SENP7: variants seen among roughly 807,000 people sequenced by gnomAD.
SENP7 encodes the protein SUMO specific peptidase 7, also known as sentrin-specific protease 7.
Under a neutral mutation model 141.2 loss-of-function variants are expected in SENP7, and 64 were observed. The observed-to-expected ratio is 0.45, with a 90% CI of 0.37 to 0.56. SENP7 has a LOEUF of 0.56. Ranked by LOEUF, SENP7 falls within the 20% of genes least tolerant of loss-of-function variation. SENP7 has a pLI of 0.00. For missense variants in SENP7, 1,025 were observed against 1,212.2 expected, an observed-to-expected ratio of 0.85 and a Z score of 2.29; for synonymous variants, 382 against 426.4, an observed-to-expected ratio of 0.90 and a Z score of 1.28.
chr3:101,419,530 A>G (rs545272455), intron 4 of SENP7, among the ~76,000 whole-genome samples: 2 of 152,372 alleles, frequency 1.3e-5, no homozygotes, highest in African/African-American at 4.8e-5. Context: ...ATACAGTGGG[A>G]TCAGCAAAGG....
intron 3 of SENP7, among the ~76,000 whole-genome samples, chr3:101,480,456 C>T (rs932358040): frequency 6.6e-6 from 1 of 152,256 alleles, no homozygotes; most frequent in East Asian, 1.9e-4. Flanking sequence ...GCTGAGAAAA[C>T]AGGATATCCA....
Position 101,332,118 on chromosome 3 carries a change from A to G in SENP7, c.2574-9T>C, listed in dbSNP as rs1192921792. On this transcript the variant is annotated splice_polypyrimidine_tract_variant and intron_variant, in intron 18 of 23. Transcript: ENST00000394095. ...CGAGATACCAGTGAGACCTGTTGAA[A>G]AAGAACTACAATCTTAATACCATGC... 7 of 1,612,242 alleles carry G rather than the reference A, an allele frequency of 4.3e-6. No individual in the cohort carries two copies. The highest frequency in any genetic ancestry group is 3.3e-5 in the Admixed American group (2 of 59,840).
At chr3:101,497,535 G>A (rs566164289) in intron 2 of SENP7, among the ~76,000 whole-genome samples, 2 of 152,004 alleles carry the variant, frequency 1.3e-5, no homozygotes, top group South Asian at 4.2e-4. Flanking sequence ...AAAGATAGGA[G>A]CACGTCACAA....
intron 3 of SENP7, among the ~76,000 whole-genome samples, chr3:101,475,960 T>A (rs1236810723): frequency 2.0e-5 from 3 of 151,980 alleles, no homozygotes; most frequent in African/African-American, 4.8e-5. Context: ...CCAAAAAAAA[T>A]TGAACATTTC....
chr3:101,429,207 G>GT (rs200015765), intron 4 of SENP7, among the ~76,000 whole-genome samples: 60,175 of 151,802 alleles, frequency 0.4, 12,427 homozygotes, highest in Admixed American at 0.53. Context: ...ATTTAAAGTA[G>GT]TTCTTTTTCC....
intron 4 of SENP7, among the ~76,000 whole-genome samples, chr3:101,443,515 C>A (rs2062762980): frequency 6.6e-6 from 1 of 151,650 alleles, no homozygotes; most frequent in Non-Finnish European, 1.5e-5. Context: ...ATGGGGATGC[C>A]ATTGAATCTA....
rs1356198088 is a variant in SENP7 at position 101,327,299 on chromosome 3, G to C, written c.3015+367C>G. On this transcript the variant is annotated intron_variant, in intron 23 of 23. Coordinates refer to ENST00000394095, the MANE Select transcript of SENP7 (RefSeq NM_020654.5). ...GTTCCTATAATCCCCACTGTGGTGG[G>C]AGGGACCTGGTAGGAGGTAACTGAA... 5.9e-5 allele frequency among the ~76,000 whole-genome samples: 9 copies of C among 152,148 alleles called. No homozygotes were observed. The East Asian group carries it at 1.7e-3, about 29-fold the overall frequency.
intron 5 of SENP7, among the ~76,000 whole-genome samples, chr3:101,406,881 A>G (rs112849706): frequency 4.6e-5 from 7 of 152,210 alleles, no homozygotes; most frequent in African/African-American, 1.7e-4. Flanking sequence ...CTCAGCAAAA[A>G]CCCTACAAGC....
At chr3:101,503,760 A>T (rs2065482543) in intron 1 of SENP7, among the ~76,000 whole-genome samples, 1 of 152,130 alleles carries the variant, frequency 6.6e-6, no homozygotes, top group African/African-American at 2.4e-5. Context: ...AGCCTGGGCA[A>T]AAGGGTGAAA....
chr3:101,410,208 G>A (rs2061415682), intron 5 of SENP7, among the ~76,000 whole-genome samples: 1 of 152,048 alleles, frequency 6.6e-6, no homozygotes, highest in African/African-American at 2.4e-5. Flanking sequence ...AAATGATCAG[G>A]GAAATGCAAA....
At chr3:101,454,553 C>A (rs1219292722) in intron 4 of SENP7, among the ~76,000 whole-genome samples, 1 of 151,972 alleles carries the variant, frequency 6.6e-6, no homozygotes, top group Non-Finnish European at 1.5e-5. Context: ...TATGTCTACA[C>A]AAACACTTGC....
rs545169299 is a variant in SENP7 at position 101,448,634 on chromosome 3, T to C, written c.284+10321A>G. Among the ~76,000 whole-genome samples the C allele has an allele frequency of 8.9e-4, 135 of 152,196 alleles. No individual in the cohort carries two copies. The South Asian group carries it at 0.013, about 14-fold the overall frequency. On this transcript the variant is annotated intron_variant, in intron 4 of 23. Coordinates refer to ENST00000394095, the MANE Select transcript of SENP7 (RefSeq NM_020654.5). ...CCCCTATTGTGGGGTGCCTCCCAGT[T>C]AGGCTACTCAGCAGACCTGCAGCTG...
intron 4 of SENP7, among the ~76,000 whole-genome samples, chr3:101,431,725 AG>A (rs1338586734): frequency 6.6e-6 from 1 of 151,878 alleles, no homozygotes; most frequent in Admixed American, 6.6e-5. Flanking sequence ...CAGAGGTTGC[AG>A]TGCACCAAGA....
At chr3:101,333,883 GTTTTGTGGAAGACAATTT>G (rs2059118410) in intron 17 of SENP7, among the ~76,000 whole-genome samples, 1 of 152,140 alleles carries the variant, frequency 6.6e-6, no homozygotes, top group South Asian at 2.1e-4. Flanking sequence ...CCAGGGACTG[GTTTTGTGGAAGACAATTT>G]TTCCAGGGAC....
chr3:101,367,376 C>A (rs886772897), intron 8 of SENP7, among the ~76,000 whole-genome samples: 1 of 151,852 alleles, frequency 6.6e-6, no homozygotes, highest in African/African-American at 2.4e-5. Context: ...TATGATAATT[C>A]TTTACTTAGA....
intron 1 of SENP7, 82 bp downstream of exon 1, chr3:101,513,009 C>G: frequency 6.6e-7 from 1 of 1,516,884 alleles, no homozygotes; most frequent in Non-Finnish European, 9.1e-7. Flanking sequence ...GGCTTCGGGC[C>G]GCAACCCCAG....
chr3:101,469,773 G>A lies in SENP7; in HGVS notation c.187-10721C>T, dbSNP rs532042538. Among the ~76,000 whole-genome samples, 824 of 94,580 alleles carry A rather than the reference G, an allele frequency of 8.7e-3. 130 individuals are homozygous for A. Among genetic ancestry groups the A allele is most frequent in the African/African-American group, 0.029 (789 of 27,252 alleles). The allele number at this position is 94,580 out of a possible 152,430, so 62.0% of individuals were successfully genotyped here. ...TGGGAAGCGGAGCTTGCAGTGAGCC[G>A]AGATTGCGCCACTGCAGTCCGTAGT... On this transcript the variant is annotated intron_variant, in intron 3 of 23. Coordinates refer to ENST00000394095, the MANE Select transcript of SENP7 (RefSeq NM_020654.5).
At chr3:101,371,974 T>A (rs1245022442) in intron 7 of SENP7, 34 bp downstream of exon 7, 1 of 960,656 alleles carries the variant, frequency 1.0e-6, no homozygotes, top group East Asian at 2.8e-5. Flanking sequence ...TAAGAAAAAA[T>A]TCAAATTCCA....
At chr3:101,444,049 AAAAC>A (rs1451252417) in intron 4 of SENP7, among the ~76,000 whole-genome samples, 9 of 142,976 alleles carry the variant, frequency 6.3e-5, no homozygotes, top group African/African-American at 1.5e-4. Context: ...TTACAAGAAA[AAAAC>A]AAACAACCCC....
Sources: allele counts gnomAD v4.1 joint callset (sites outside exome capture counted in the v4.1 genomes callset), GRCh38; gene constraint gnomAD v4.1.1; transcripts MANE v1.5; gene names NCBI Gene and HGNC (gene_info 2026-07-23, HGNC 2026-07-21).